The following PSD3 variants were observed in gnomAD, a reference collection of about 807,000 sequenced individuals.
PSD3 encodes the protein pleckstrin and Sec7 domain containing 3, also known as PH and SEC7 domain-containing protein 3.
A neutral mutation model predicts 105.5 loss-of-function variants in PSD3; 49 were observed. That is an observed-to-expected ratio of 0.46 (90% CI 0.37 to 0.59). The LOEUF (loss-of-function observed/expected upper bound fraction) is 0.59, where lower values mean the gene tolerates loss of function less well. Among genes scored for constraint, PSD3 ranks in the 20% least tolerant of loss-of-function variants. The pLI is 0.00. For synonymous variants in PSD3, 557 were observed against 457.8 expected (o/e 1.22, Z -2.77); for missense variants, 1,561 against 1,263.8 (o/e 1.24, Z -3.57).
chr8:18,601,172 CTGTTTA>C (rs1804413971), intron 11 of PSD3, among the ~76,000 whole-genome samples: 2 of 152,138 alleles, frequency 1.3e-5, no homozygotes, highest in African/African-American at 4.8e-5. Flanking sequence ...TAGATTTCTT[CTGTTTA>C]TATTTTTCTG....
intron 3 of PSD3, among the ~76,000 whole-genome samples, chr8:18,870,585 C>T (rs1364596047): frequency 2.6e-5 from 4 of 151,342 alleles, no homozygotes; most frequent in Admixed American, 6.6e-5. Context: ...ATGTAGATGA[C>T]GGGTTGATGG....
intron 9 of PSD3, among the ~76,000 whole-genome samples, chr8:18,729,967 C>T (rs933462014): frequency 6.6e-6 from 1 of 152,062 alleles, no homozygotes; most frequent in Non-Finnish European, 1.5e-5. Flanking sequence ...ATAGCAAAGC[C>T]TACATTCCAT....
intron 1 of PSD3, among the ~76,000 whole-genome samples, chr8:18,949,010 T>C (rs1823032655): frequency 6.6e-6 from 1 of 151,306 alleles, no homozygotes; most frequent in Non-Finnish European, 1.5e-5. Flanking sequence ...AAGATTGCTC[T>C]TGATTAAGAT....
chr8:18,673,737 C>A (rs11992396), intron 9 of PSD3, among the ~76,000 whole-genome samples: 41,647 of 152,118 alleles, frequency 0.27, 5,800 homozygotes, highest in Non-Finnish European at 0.31. Flanking sequence ...ATACCTTTCA[C>A]TGAATCCTGC....
chr8:18,950,712 T>C (rs1199679274), intron 1 of PSD3, among the ~76,000 whole-genome samples: 1 of 152,182 alleles, frequency 6.6e-6, no homozygotes, highest in Non-Finnish European at 1.5e-5. Context: ...CTATAACTTA[T>C]CAATTTATAA....
At chr8:18,571,139 G>A (rs1486000446) in intron 14 of PSD3, among the ~76,000 whole-genome samples, 2 of 152,064 alleles carry the variant, frequency 1.3e-5, no homozygotes, top group African/African-American at 4.8e-5. Context: ...GGGATTACAG[G>A]CATGAGCCAC....
chr8:18,595,765 G>A (rs935443464), intron 12 of PSD3, among the ~76,000 whole-genome samples: 6 of 151,976 alleles, frequency 3.9e-5, no homozygotes, highest in African/African-American at 1.4e-4. Context: ...TAAATATATA[G>A]AGTAAACATT....
intron 11 of PSD3, among the ~76,000 whole-genome samples, chr8:18,624,534 T>G (rs1274216021): frequency 6.5e-5 from 6 of 92,856 alleles, no homozygotes; most frequent in East Asian, 3.7e-4. Flanking sequence ...TGGGGACTGT[T>G]GTGGGGTGGG....
Position 18,527,912 on chromosome 8 carries a change from A to G in PSD3, c.*7831T>C, listed in dbSNP as rs1260916420. On this transcript the variant is annotated 3_prime_UTR_variant, in exon 16 of 16. Coordinates refer to ENST00000327040, the MANE Select transcript of PSD3 (RefSeq NM_015310.4). ...TAATTACTTTCACAATTTGCAGGGGACATATGGCACCAGGACTGCAATAGA... is the reference window on the plus strand; with the variant it reads ...TAATTACTTTCACAATTTGCAGGGGGCATATGGCACCAGGACTGCAATAGA... 6.6e-6 allele frequency: 1 copy of G among 152,198 alleles called. No homozygotes were observed. The highest frequency in any genetic ancestry group is 6.5e-5 in the Admixed American group (1 of 15,280). The allele number at this position is 152,198 out of a possible 1,614,324, so 9.4% of individuals were successfully genotyped here. A position where few individuals can be genotyped will look rare whatever the true frequency, so the allele number is the denominator to read the frequency against.
chr8:18,801,488 AG>A, intron 6 of PSD3, 106 bp from the exon 7 acceptor site: 1 of 639,232 alleles, frequency 1.6e-6, no homozygotes, highest in Non-Finnish European at 2.7e-6. Context: ...AATTATACAA[AG>A]TAAGATATTA....
chr8:18,578,847 T>C (rs1041058242), intron 12 of PSD3, among the ~76,000 whole-genome samples: 7 of 151,946 alleles, frequency 4.6e-5, no homozygotes, highest in African/African-American at 1.2e-4. Context: ...TATTCCAAGG[T>C]AGTTTCCTAA....
At chr8:19,047,876 C>T (rs1828381744) in intron 1 of PSD3, among the ~76,000 whole-genome samples, 1 of 152,070 alleles carries the variant, frequency 6.6e-6, no homozygotes, top group African/African-American at 2.4e-5. Flanking sequence ...TAGTCGGAAG[C>T]CCCTGCTGTC....
intron 2 of PSD3, among the ~76,000 whole-genome samples, chr8:18,907,045 A>G (rs1277617489): frequency 6.6e-6 from 1 of 152,264 alleles, no homozygotes. Context: ...TGTACAATGT[A>G]TATGTATTTT....
At position 18,530,061 on chromosome 8, in the gene PSD3, A is replaced by G. The variant is rs1194699265; in HGVS notation, c.*5682T>C. The G allele has an allele frequency of 6.6e-6, 1 of 152,584 alleles. No individual in the cohort carries two copies. Among genetic ancestry groups the G allele is most frequent in the African/African-American group, 2.4e-5 (1 of 41,434 alleles). The allele number at this position is 152,584 out of a possible 1,614,324, so 9.5% of individuals were successfully genotyped here. On this transcript the variant is annotated 3_prime_UTR_variant, in exon 16 of 16. Coordinates refer to ENST00000327040, the MANE Select transcript of PSD3 (RefSeq NM_015310.4). ...GCTGAAGTTAGTCTCCCACCCCACA[A>G]TTCAAACTCTCTGAATCAGCTACAA...
chr8:18,999,267 A>T (rs78611470), intron 1 of PSD3, among the ~76,000 whole-genome samples: 1 of 151,884 alleles, frequency 6.6e-6, no homozygotes, highest in African/African-American at 2.4e-5. Flanking sequence ...CAACTCCAGG[A>T]TGTCTCACAA....
intron 1 of PSD3, among the ~76,000 whole-genome samples, chr8:19,009,765 C>T (rs1380445452): frequency 6.6e-6 from 1 of 151,932 alleles, no homozygotes; most frequent in Non-Finnish European, 1.5e-5. Context: ...GTGGCGTGTA[C>T]CTGTGGTCCC....
chr8:19,038,574 T>A (rs1422200541), intron 1 of PSD3, among the ~76,000 whole-genome samples: 1 of 152,168 alleles, frequency 6.6e-6, no homozygotes, highest in Non-Finnish European at 1.5e-5. Context: ...GATCCCCCTG[T>A]CTCAGCCTTC....
rs368853892 is a variant in PSD3, at chr8:19,054,507, A to G, written c.324+29699T>C. 5.0e-4 allele frequency among the ~76,000 whole-genome samples: 76 copies of G among 152,320 alleles called. No homozygotes were observed. In the South Asian group the frequency reaches 0.016, roughly 31 times the overall value. ...GAGAAAATGATATTCCCAGAGCTCT[A>G]TAATCATCTTGTCATGGATTCAACT... is the stretch of plus-strand genomic sequence containing the variant. On this transcript the variant is annotated intron_variant, in intron 1 of 1. Coordinates refer to the PSD3 transcript ENST00000521475.
intron 3 of PSD3, among the ~76,000 whole-genome samples, chr8:18,868,530 T>G (rs1181548730): frequency 6.6e-6 from 1 of 152,080 alleles, no homozygotes; most frequent in South Asian, 2.1e-4. Context: ...CCAAATGCTC[T>G]CAAGCAGATG....
Sources: allele counts gnomAD v4.1 joint callset (sites outside exome capture counted in the v4.1 genomes callset), GRCh38; gene constraint gnomAD v4.1.1; transcripts MANE v1.5; gene names NCBI Gene and HGNC (gene_info 2026-07-23, HGNC 2026-07-21).